Variants in SYMPK observed in about 807,000 individuals in gnomAD.
SYMPK encodes symplekin.
In SYMPK, 49 loss-of-function variants were observed where a neutral mutation model predicts 136.4. The observed-to-expected ratio is 0.36, with a 90% confidence interval of 0.29 to 0.46. The LOEUF is 0.46. Among genes scored for constraint, SYMPK ranks in the 20% least tolerant of loss-of-function variants. The pLI, the probability that SYMPK is intolerant of heterozygous loss-of-function variation, is 1.00. For missense variants in SYMPK, 1,365 were observed against 1,690.0 expected (o/e 0.81, Z 3.37); for synonymous variants, 766 against 713.0 (o/e 1.07, Z -1.19).
intron 9 of SYMPK, among the ~76,000 whole-genome samples, chr19:45,841,017 GCT>G (rs1971422627): frequency 6.7e-6 from 1 of 149,732 alleles, no homozygotes; most frequent in African/African-American, 2.5e-5. Flanking sequence ...ACGGAGTCTT[GCT>G]CTGTCACCCA....
chr19:45,843,295 G>A (rs1359455046), intron 8 of SYMPK, among the ~76,000 whole-genome samples: 1 of 152,094 alleles, frequency 6.6e-6, no homozygotes, highest in South Asian at 2.1e-4. Flanking sequence ...GAAACAAAGA[G>A]CTGAGAGATG....
At chr19:45,846,995 T>G (rs953092055) in intron 7 of SYMPK, among the ~76,000 whole-genome samples, 1 of 151,958 alleles carries the variant, frequency 6.6e-6, no homozygotes, top group African/African-American at 2.4e-5. Flanking sequence ...GGTTTCACCA[T>G]GTTGGCCAGG....
intron 11 of SYMPK, among the ~76,000 whole-genome samples, chr19:45,833,701 G>A (rs1971238189): frequency 6.6e-6 from 1 of 152,222 alleles, no homozygotes; most frequent in African/African-American, 2.4e-5. Context: ...AATGCCCTGA[G>A]GCATCTCTGG....
Position 45,860,509 on chromosome 19 carries a change from A to AG in SYMPK, c.-13+2548_-13+2549insC, listed in dbSNP as rs1233086058. Among the ~76,000 whole-genome samples, 371 of 152,070 alleles carry AG rather than the reference A, an allele frequency of 2.4e-3. 1 individual carries two copies. The highest frequency in any genetic ancestry group is 8.3e-3 in the African/African-American group (343 of 41,460). On this transcript the variant is annotated intron_variant, in intron 1 of 26. Transcript: ENST00000245934. ...CCCACACACACAGAGAGAGAAAGAG[A>AG]AAGAGAGAGAGAGAACACTTAATAT...
At position 45,824,589 on chromosome 19, in the gene SYMPK, G is replaced by A. The variant is rs556695877; in HGVS notation, c.2490+582C>T. Reference sequence around the variant, plus strand: ...TACACTTCTCTCTCCCGTTTATCACGAAAATGTTCTGTAATCCAAAAATGT... The same window carrying A: ...TACACTTCTCTCTCCCGTTTATCACAAAAATGTTCTGTAATCCAAAAATGT... On this transcript the variant is annotated intron_variant, in intron 18 of 26. Transcript: ENST00000245934. 5.3e-5 allele frequency among the ~76,000 whole-genome samples: 8 copies of A among 152,256 alleles called. No individual in the cohort carries two copies. In the South Asian group the frequency reaches 1.7e-3, roughly 32 times the overall value.
At chr19:45,854,283 C>T in intron 2 of SYMPK, 43 bp from the exon 3 acceptor site, 2 of 1,609,348 alleles carry the variant, frequency 1.2e-6, no homozygotes, top group Non-Finnish European at 1.7e-6. Flanking sequence ...CAGCCCAGTC[C>T]AGCCCAGTGC....
chr19:45,854,879 C>CTTTTTTCT (rs1555797265), intron 1 of SYMPK: 3 of 153,754 alleles, frequency 2.0e-5, no homozygotes, highest in Admixed American at 6.6e-5. Context: ...AGCAAACTTT[C>CTTTTTTCT]TTTTTTTTTT....
rs1225248355 is a variant in SYMPK at position 45,854,462 on chromosome 19, G to A, written c.34C>T (p.Arg12Trp). The A allele has an allele frequency of 1.9e-6, 3 of 1,614,054 alleles. No individual in the cohort carries two copies. The highest frequency in any genetic ancestry group is 1.3e-5 in the African/African-American group (1 of 75,056). The change falls in exon 2 of 27, where the codon CGG becomes TGG. Residue 12 changes from arginine (R) to tryptophan (W), a missense_variant. Around this residue, in one of 11 missense-constraint regions of SYMPK, gnomAD observed 61 missense variants for 80.7 expected, o/e 0.76. Coordinates refer to ENST00000245934, the MANE Select transcript of SYMPK (RefSeq NM_004819.3). ...ASGSGDSVTR[R>W]SVASQFFTQE... is the part of the protein sequence containing the mutation. Reference sequence around the variant, plus strand: ...GTGAAAAACTGTGATGCCACGCTCCGACGGGTGACGCTGTCTCCACTGCCG... The same window carrying A: ...GTGAAAAACTGTGATGCCACGCTCCAACGGGTGACGCTGTCTCCACTGCCG...
chr19:45,844,236 C>T (rs375749448), intron 7 of SYMPK, 36 bp from the exon 8 acceptor site: 33 of 1,505,992 alleles, frequency 2.2e-5, no homozygotes, highest in Middle Eastern at 4.3e-4. Context: ...CAGTGGGATC[C>T]GTTTTCCCAG....
At chr19:45,862,727 G>A (rs1267936275) in intron 1 of SYMPK, among the ~76,000 whole-genome samples, 1 of 152,236 alleles carries the variant, frequency 6.6e-6, no homozygotes, top group Non-Finnish European at 1.5e-5. Flanking sequence ...AGGCAGAAGG[G>A]ACAGCCTGTG....
chr19:45,844,490 TGGTA>T lies in SYMPK; in HGVS notation c.677-294_677-291del, dbSNP rs1025460859. On this transcript the variant is annotated intron_variant, in intron 7 of 26. Transcript: ENST00000245934. Reference sequence around the variant, plus strand: ...GAGTTCAAGACCAGCCTGGCCAACATGGTAAAACCCCGTCTCTACTAAAAATACA... The same window carrying T: ...GAGTTCAAGACCAGCCTGGCCAACATAAACCCCGTCTCTACTAAAAATACA... Among the ~76,000 whole-genome samples the T allele has an allele frequency of 1.1e-4, 16 of 152,206 alleles. No homozygotes were observed. The South Asian group carries it at 2.1e-3, about 20-fold the overall frequency.
intron 9 of SYMPK, among the ~76,000 whole-genome samples, chr19:45,839,521 G>T (rs1439173776): frequency 6.6e-6 from 1 of 152,166 alleles, no homozygotes; most frequent in South Asian, 2.1e-4. Flanking sequence ...TAGAATAATA[G>T]ACTCAGGCAA....
chr19:45,828,831 G>A (rs1214069302), intron 14 of SYMPK, 139 bp downstream of exon 14: 1 of 780,458 alleles, frequency 1.3e-6, no homozygotes, highest in Non-Finnish European at 2.1e-6. Flanking sequence ...GGGGGAGGAG[G>A]AGAGGAGACT....
chr19:45,830,540 G>A (rs1262309849), intron 12 of SYMPK: 3 of 248,766 alleles, frequency 1.2e-5, no homozygotes, highest in African/African-American at 2.2e-5. Flanking sequence ...GAGTGGAGGA[G>A]GGGTGAGGGT....
intron 9 of SYMPK, among the ~76,000 whole-genome samples, 168 bp from the exon 10 acceptor site, chr19:45,838,783 T>C (rs1971367563): frequency 6.6e-6 from 1 of 152,222 alleles, no homozygotes; most frequent in African/African-American, 2.4e-5. Context: ...AACCACTTTA[T>C]GACCCTGGGC....
Position 45,854,354 on chromosome 19 carries a change from A to G in SYMPK, c.105+37T>C, listed in dbSNP as rs777406159. The G allele has an allele frequency of 2.2e-5, 36 of 1,608,478 alleles. No homozygotes were observed. In the South Asian group the frequency reaches 3.8e-4, roughly 17 times the overall value. ...ACAGGGATTGCCAAAGCCAGGGGCT[A>G]TGCTTCCTCACTCCAAGCCCTACCC... On this transcript the variant is annotated intron_variant, in intron 2 of 26. Coordinates refer to ENST00000245934, the MANE Select transcript of SYMPK (RefSeq NM_004819.3).
intron 18 of SYMPK, among the ~76,000 whole-genome samples, chr19:45,824,802 G>C (rs1469699341): frequency 6.6e-6 from 1 of 152,190 alleles, no homozygotes; most frequent in Non-Finnish European, 1.5e-5. Flanking sequence ...GCAACACTGG[G>C]AAGGCCAGCT....
chr19:45,830,730 A>C (rs1231333153), intron 12 of SYMPK: 1 of 152,418 alleles, frequency 6.6e-6, no homozygotes, highest in African/African-American at 2.4e-5. Flanking sequence ...TCTACTAAAA[A>C]TACAAAAAAT....
intron 5 of SYMPK, among the ~76,000 whole-genome samples, chr19:45,849,217 GC>G (rs1168986352): frequency 6.6e-6 from 1 of 152,182 alleles, no homozygotes; most frequent in Non-Finnish European, 1.5e-5. Context: ...TGGGAAAATT[GC>G]AACAATACTT....
Sources: gnomAD v4.1 joint callset for allele counts (sites outside exome capture counted in the v4.1 genomes callset) on GRCh38, gnomAD v4.1.1 for gene constraint, gnomAD v4.1.1 regional missense constraint, MANE v1.5 for transcripts, NCBI Gene and HGNC (gene_info 2026-07-23, HGNC 2026-07-21) for gene names.